Variants in TMEM132B observed in about 807,000 individuals in gnomAD.
TMEM132B encodes the protein transmembrane protein 132B.
Under a neutral mutation model 90.8 loss-of-function variants are expected in TMEM132B, and 18 were observed. That is an observed-to-expected ratio of 0.20 (90% CI 0.14 to 0.29). The LOEUF (loss-of-function observed/expected upper bound fraction) is 0.29. TMEM132B is among the 10% of genes least tolerant of loss of function. The pLI, the probability that TMEM132B is intolerant of heterozygous loss-of-function variation, is 1.00. For missense variants in TMEM132B, 1,096 were observed against 1,326.8 expected (o/e 0.83, Z 2.70); for synonymous variants, 504 against 523.3 (o/e 0.96, Z 0.50).
At chr12:125,360,314 A>G (rs762341083) in intron 2 of TMEM132B, among the ~76,000 whole-genome samples, 4 of 152,238 alleles carry the variant, frequency 2.6e-5, no homozygotes, top group Non-Finnish European at 4.4e-5. Context: ...TGTACAATCT[A>G]TATATAAGTT....
At chr12:125,228,406 C>T (rs1291473295) in intron 1 of TMEM132B, among the ~76,000 whole-genome samples, 1 of 152,180 alleles carries the variant, frequency 6.6e-6, no homozygotes, top group Admixed American at 6.5e-5. Flanking sequence ...AGGTCAGCAC[C>T]TCTGGGGTGG....
At chr12:125,558,422 G>A (rs908055064) in intron 4 of TMEM132B, among the ~76,000 whole-genome samples, 2 of 152,186 alleles carry the variant, frequency 1.3e-5, no homozygotes, top group Admixed American at 1.3e-4. Flanking sequence ...GGAGAAACAT[G>A]GGTAGAAGCA....
chr12:125,464,467 G>T (rs1170365737), intron 3 of TMEM132B, among the ~76,000 whole-genome samples: 1 of 152,150 alleles, frequency 6.6e-6, no homozygotes, highest in Admixed American at 6.5e-5. Flanking sequence ...ACTGTTGCTT[G>T]TCATTTCCCC....
chr12:125,342,546 A>G (rs1877216594), intron 1 of TMEM132B, among the ~76,000 whole-genome samples: 1 of 152,202 alleles, frequency 6.6e-6, no homozygotes, highest in South Asian at 2.1e-4. Context: ...ATAAGGGAAG[A>G]TAGAGGCAAC....
In TMEM132B at chr12:125,246,926, G is replaced by C. The variant is rs1380397941; in HGVS notation, c.67+60060G>C. 6.6e-6 allele frequency among the ~76,000 whole-genome samples: 1 copy of C among 152,046 alleles called. No individual in the cohort carries two copies. The highest frequency in any genetic ancestry group is 2.4e-5 in the African/African-American group (1 of 41,378). ...GCCTGGGGTTTGTGGGGGAGGTGGT[G>C]GGGGTAGGGGCACAGTCAGGATTTT... On this transcript the variant is annotated intron_variant, in intron 1 of 8. Transcript: ENST00000682704. This position sits in a 1 kb window ranked among gnomAD's most constrained non-coding sequence, Gnocchi z 4.2.
At chr12:125,484,796 G>T (rs769020317) in intron 3 of TMEM132B, among the ~76,000 whole-genome samples, 6 of 151,962 alleles carry the variant, frequency 3.9e-5, no homozygotes. Flanking sequence ...GTAGAGATAG[G>T]GTCTCACCAC....
intron 5 of TMEM132B, among the ~76,000 whole-genome samples, chr12:125,597,275 T>G (rs116627862): frequency 1.6e-3 from 238 of 152,298 alleles, no homozygotes; most frequent in African/African-American, 5.6e-3. Flanking sequence ...AAAGAAAAAT[T>G]GATAAAAAAC....
intron 2 of TMEM132B, among the ~76,000 whole-genome samples, chr12:125,392,873 G>A (rs908218358): frequency 6.6e-6 from 1 of 152,238 alleles, no homozygotes; most frequent in African/African-American, 2.4e-5. Flanking sequence ...GTGGCAATTG[G>A]ATGTGAGGTG....
At chr12:125,249,679 T>C (rs539724913) in intron 1 of TMEM132B, among the ~76,000 whole-genome samples, 1 of 152,364 alleles carries the variant, frequency 6.6e-6, no homozygotes, top group East Asian at 1.9e-4. Flanking sequence ...TTACTGGCAA[T>C]GTCAGGCAGG....
At chr12:125,188,862 A>AAAAAG (rs1555230827) in intron 1 of TMEM132B, among the ~76,000 whole-genome samples, 5 of 138,342 alleles carry the variant, frequency 3.6e-5, no homozygotes, top group South Asian at 2.2e-4. Flanking sequence ...CAAAAAAAAA[A>AAAAAG]AAAAAAAAAA....
chr12:125,504,153 C>T (rs1882770030), intron 3 of TMEM132B, among the ~76,000 whole-genome samples: 1 of 152,142 alleles, frequency 6.6e-6, no homozygotes. Flanking sequence ...CTGCAAATCC[C>T]TTCCATTGAC....
intron 4 of TMEM132B, among the ~76,000 whole-genome samples, chr12:125,539,381 C>A (rs1439798282): frequency 6.6e-6 from 1 of 152,244 alleles, no homozygotes; most frequent in Non-Finnish European, 1.5e-5. Flanking sequence ...GCAGCTCCAT[C>A]TTCTCCCCGC....
intron 2 of TMEM132B, among the ~76,000 whole-genome samples, chr12:125,390,362 A>G (rs1438882732): frequency 5.9e-5 from 9 of 152,258 alleles, no homozygotes; most frequent in Non-Finnish European, 4.4e-5. Context: ...ATAGAGACAC[A>G]TGGTTCCTTT....
intron 1 of TMEM132B, among the ~76,000 whole-genome samples, chr12:125,297,969 T>C (rs913239001): frequency 9.9e-5 from 15 of 152,184 alleles, no homozygotes; most frequent in Non-Finnish European, 1.3e-4. Context: ...GAAATACCTT[T>C]AGGCTTGGCA....
At chr12:125,328,160 T>C (rs1345646915) in intron 1 of TMEM132B, among the ~76,000 whole-genome samples, 1 of 152,226 alleles carries the variant, frequency 6.6e-6, no homozygotes, top group Non-Finnish European at 1.5e-5. Context: ...GCCATGAACC[T>C]GGGACCTCAG....
At chr12:125,646,120 A>AG (rs979854112) in intron 6 of TMEM132B, among the ~76,000 whole-genome samples, 3 of 152,178 alleles carry the variant, frequency 2.0e-5, no homozygotes, top group Non-Finnish European at 4.4e-5. Flanking sequence ...GTGAGGGTTC[A>AG]GGGGGAGGTG....
intron 4 of TMEM132B, among the ~76,000 whole-genome samples, chr12:125,555,827 G>A (rs965717611): frequency 1.1e-4 from 16 of 152,294 alleles, no homozygotes; most frequent in African/African-American, 2.6e-4. Context: ...CTCCGTTGAC[G>A]TTTATATATC....
At chr12:125,289,264 T>C (rs188428281) in intron 1 of TMEM132B, among the ~76,000 whole-genome samples, 40 of 152,350 alleles carry the variant, frequency 2.6e-4, no homozygotes, top group African/African-American at 9.4e-4. Flanking sequence ...AACCTGGCCT[T>C]TCAAGAAGGT....
chr12:125,508,942 C>G (rs1882911625), intron 3 of TMEM132B, among the ~76,000 whole-genome samples: 1 of 151,994 alleles, frequency 6.6e-6, no homozygotes, highest in African/African-American at 2.4e-5. Flanking sequence ...CACCACCACG[C>G]CTGGCTAATT....
Sources: gnomAD v4.1 joint callset for allele counts (sites outside exome capture counted in the v4.1 genomes callset) on GRCh38, gnomAD v4.1.1 for gene constraint, Gnocchi (gnomAD v3.1) non-coding constraint, MANE v1.5 for transcripts, NCBI Gene and HGNC (gene_info 2026-07-23, HGNC 2026-07-21) for gene names.